Variants in TJP1 observed in about 807,000 individuals in gnomAD.
TJP1 encodes tight junction protein ZO-1.
In TJP1, 43 loss-of-function variants were observed where a neutral mutation model predicts 194.2. The observed-to-expected ratio is 0.22, with a 90% confidence interval of 0.17 to 0.29. TJP1 has a LOEUF of 0.29. Ranked by LOEUF, TJP1 falls within the 10% of genes least tolerant of loss-of-function variation. TJP1 has a pLI of 1.00. For missense variants in TJP1, 1,971 were observed against 2,185.7 expected (o/e 0.90, Z 1.96); for synonymous variants, 801 against 779.0 (o/e 1.03, Z -0.47).
chr15:29,871,002 T>TCCAG (rs1332758029), intron 2 of TJP1, among the ~76,000 whole-genome samples: 16 of 152,256 alleles, frequency 1.1e-4, no homozygotes, highest in African/African-American at 3.8e-4. Context: ...GCTTCCCTCC[T>TCCAG]CCAGCCACCT....
chr15:29,841,552 TCTC>T (rs1451602291), intron 2 of TJP1, among the ~76,000 whole-genome samples: 2 of 152,188 alleles, frequency 1.3e-5, no homozygotes, highest in Non-Finnish European at 2.9e-5. Flanking sequence ...ATTCTAACTT[TCTC>T]TGCCCTCAAT....
chr15:29,826,983 G>A (rs944519680), upstream of TJP1, among the ~76,000 whole-genome samples: 1 of 152,184 alleles, frequency 6.6e-6, no homozygotes, highest in African/African-American at 2.4e-5. Context: ...CGCTCCCACA[G>A]CTCTTGATAC....
chr15:29,749,679 C>T (rs926174432), intron 8 of TJP1, among the ~76,000 whole-genome samples: 1 of 152,286 alleles, frequency 6.6e-6, no homozygotes, highest in East Asian at 1.9e-4. Flanking sequence ...CATGCAAGTT[C>T]GTCTGGTGAC....
At chr15:29,776,982 C>T (rs2047054252) in intron 2 of TJP1, among the ~76,000 whole-genome samples, 1 of 152,086 alleles carries the variant, frequency 6.6e-6, no homozygotes, top group Non-Finnish European at 1.5e-5. Flanking sequence ...ACCATACATT[C>T]CTTCAAGTAA....
At chr15:29,734,037 G>A (rs988311587) in intron 12 of TJP1, among the ~76,000 whole-genome samples, 3 of 152,066 alleles carry the variant, frequency 2.0e-5, no homozygotes, top group Non-Finnish European at 4.4e-5. Flanking sequence ...GGGTTGGATG[G>A]CATTTTATTT....
At chr15:29,865,365 T>A (rs778263064) in intron 2 of TJP1, among the ~76,000 whole-genome samples, 2 of 152,148 alleles carry the variant, frequency 1.3e-5, no homozygotes, top group Non-Finnish European at 2.9e-5. Flanking sequence ...CCACTCCACA[T>A]TGCTAAAAAT....
chr15:29,910,650 T>C (rs1232979895), intron 2 of TJP1, among the ~76,000 whole-genome samples: 1 of 152,240 alleles, frequency 6.6e-6, no homozygotes. Context: ...GCACTAATAA[T>C]ACTAGTGATA....
At chr15:29,842,717 A>C (rs1219033560) in intron 2 of TJP1, among the ~76,000 whole-genome samples, 1 of 152,220 alleles carries the variant, frequency 6.6e-6, no homozygotes, top group Admixed American at 6.5e-5. Flanking sequence ...TATGATCAGA[A>C]GTGCACATCT....
At chr15:29,800,973 A>G (rs2048743602) in intron 1 of TJP1, among the ~76,000 whole-genome samples, 3 of 152,244 alleles carry the variant, frequency 2.0e-5, no homozygotes. Flanking sequence ...TATTCAAGCT[A>G]ATTCTGCAAC....
rs2047457993 is a variant in TJP1 at position 29,782,897 on chromosome 15, A to C, written c.85-9540T>G. Among the ~76,000 whole-genome samples, 3 of 147,010 alleles carry C rather than the reference A, an allele frequency of 2.0e-5. No homozygotes were observed. The South Asian group carries it at 6.4e-4, about 31-fold the overall frequency. On this transcript the variant is annotated intron_variant, in intron 2 of 27. Coordinates refer to ENST00000614355, the MANE Select transcript of TJP1 (RefSeq NM_001330239.4). Reference sequence around the variant, plus strand: ...AAGGACAAGAACAGACACTTTTCAAAAAAAAAAAAAAAAAAACACGTTGCC... The same window carrying C: ...AAGGACAAGAACAGACACTTTTCAACAAAAAAAAAAAAAAAACACGTTGCC...
intron 2 of TJP1, among the ~76,000 whole-genome samples, chr15:29,778,659 T>C (rs2047166530): frequency 6.6e-6 from 1 of 152,192 alleles, no homozygotes; most frequent in South Asian, 2.1e-4. Flanking sequence ...CCCCAGTCTT[T>C]GCTCTAAACC....
intron 2 of TJP1, among the ~76,000 whole-genome samples, chr15:29,909,426 A>C (rs2053946821): frequency 6.6e-6 from 1 of 151,880 alleles, no homozygotes; most frequent in Non-Finnish European, 1.5e-5. Flanking sequence ...GACACCAGAG[A>C]CATGGCAGCT....
chr15:29,926,809 T>C (rs900755160), intron 2 of TJP1, among the ~76,000 whole-genome samples: 1 of 152,328 alleles, frequency 6.6e-6, no homozygotes, highest in Admixed American at 6.5e-5. Flanking sequence ...TTTCTAATCC[T>C]GTCTTCACTT....
At chr15:29,968,149 T>C (rs981623785) in intron 1 of TJP1, 1 of 985,352 alleles carries the variant, frequency 1.0e-6, no homozygotes, top group African/African-American at 1.7e-5. Flanking sequence ...GCAGGTGGAA[T>C]ACAGTCCCTG....
At chr15:29,853,411 G>A (rs1252048603) in intron 2 of TJP1, among the ~76,000 whole-genome samples, 1 of 152,096 alleles carries the variant, frequency 6.6e-6, no homozygotes, top group Admixed American at 6.6e-5. Flanking sequence ...AATAAAACTG[G>A]GGACATCTGA....
intron 1 of TJP1, chr15:29,968,257 G>A: frequency 4.1e-6 from 4 of 985,302 alleles, no homozygotes; most frequent in Non-Finnish European, 4.8e-6. Flanking sequence ...AACTGAAAAC[G>A]CACACCGTGA....
At chr15:29,827,751 A>C (rs560018517) in intron 2 of TJP1, among the ~76,000 whole-genome samples, 54 of 152,332 alleles carry the variant, frequency 3.5e-4, no homozygotes, top group African/African-American at 1.3e-3. Context: ...GGAAGAAAAG[A>C]AAAAGCTTTA....
At chr15:29,786,674 T>G (rs1567025845) in intron 2 of TJP1, among the ~76,000 whole-genome samples, 1 of 152,078 alleles carries the variant, frequency 6.6e-6, no homozygotes, top group East Asian at 1.9e-4. Context: ...CTAAATTTTT[T>G]GGGGGTGTGT....
chr15:29,799,576 G>A (rs1196068306), intron 2 of TJP1, among the ~76,000 whole-genome samples: 2 of 151,780 alleles, frequency 1.3e-5, no homozygotes, highest in African/African-American at 4.8e-5. Context: ...CACCACGCCT[G>A]GCTAATTTTT....
Sources: allele counts gnomAD v4.1 joint callset (sites outside exome capture counted in the v4.1 genomes callset), GRCh38; gene constraint gnomAD v4.1.1; transcripts MANE v1.5; gene names NCBI Gene and HGNC (gene_info 2026-07-23, HGNC 2026-07-21).